Variants in DIP2C observed in about 807,000 individuals in gnomAD.
DIP2C encodes disco-interacting protein 2 homolog C.
DIP2C carries 33 observed loss-of-function variants against 192.4 expected under a neutral mutation model. The observed-to-expected ratio is 0.17, with a 90% CI of 0.13 to 0.23. The LOEUF is 0.23. Ranked by LOEUF, DIP2C falls within the 10% of genes least tolerant of loss-of-function variation. The pLI is 1.00. For missense variants in DIP2C, 1,537 were observed against 2,110.1 expected (o/e 0.73, Z 5.32); for synonymous variants, 979 against 864.1 (o/e 1.13, Z -2.33).
intron 3 of DIP2C, among the ~76,000 whole-genome samples, chr10:459,310 T>C (rs1328048649): frequency 1.3e-5 from 2 of 150,764 alleles, no homozygotes; most frequent in Non-Finnish European, 2.9e-5. Context: ...ACTGCAGACA[T>C]CCCTGGGAGG....
intron 5 of DIP2C, among the ~76,000 whole-genome samples, chr10:419,857 G>A (rs986316201): frequency 9.2e-5 from 14 of 152,138 alleles, no homozygotes; most frequent in African/African-American, 2.4e-4. Context: ...GCCAATGAGC[G>A]CGTGGAGCTC....
intron 29 of DIP2C, among the ~76,000 whole-genome samples, chr10:338,140 GT>G (rs1957960850): frequency 6.6e-6 from 1 of 152,134 alleles, no homozygotes; most frequent in African/African-American, 2.4e-5. Flanking sequence ...TGTATAATGT[GT>G]TTGTGTTATA....
chr10:590,118 A>C (rs1171194730), intron 1 of DIP2C, among the ~76,000 whole-genome samples: 1 of 152,244 alleles, frequency 6.6e-6, no homozygotes, highest in African/African-American at 2.4e-5. Flanking sequence ...GTGACGTGAT[A>C]AACCACAGTG....
At chr10:592,734 A>C (rs1851475556) in intron 1 of DIP2C, among the ~76,000 whole-genome samples, 2 of 152,148 alleles carry the variant, frequency 1.3e-5, no homozygotes, top group South Asian at 4.1e-4. Context: ...TAAAAATGTG[A>C]AATTTTTCCC....
At chr10:575,567 C>T (rs1850098425) in intron 1 of DIP2C, among the ~76,000 whole-genome samples, 1 of 152,208 alleles carries the variant, frequency 6.6e-6, no homozygotes, top group South Asian at 2.1e-4. Flanking sequence ...CTGCTATGGG[C>T]ACGTGTGATC....
Position 414,121 on chromosome 10 carries a change from T to C in DIP2C, c.860-11A>G, listed in dbSNP as rs768161060. 3 of 1,607,562 alleles carry C rather than the reference T, an allele frequency of 1.9e-6. No individual in the cohort carries two copies. Among genetic ancestry groups the C allele is most frequent in the Non-Finnish European group, 2.6e-6 (3 of 1,175,162 alleles). ...GATCCGGTTGTTGAACTAAATCGTT[T>C]GAATACAAGAGGTTACAAGAGAAAT... is the stretch of plus-strand genomic sequence containing the variant. On this transcript the variant is annotated splice_polypyrimidine_tract_variant and intron_variant, in intron 7 of 36. Coordinates refer to ENST00000280886, the MANE Select transcript of DIP2C (RefSeq NM_014974.3).
At chr10:445,668 G>T (rs1193737516) in intron 3 of DIP2C, among the ~76,000 whole-genome samples, 1 of 148,180 alleles carries the variant, frequency 6.7e-6, no homozygotes, top group Non-Finnish European at 1.5e-5. Flanking sequence ...CTGTTGTGAA[G>T]AGTCCATCTT....
chr10:353,093 G>A (rs1409942152), intron 24 of DIP2C, among the ~76,000 whole-genome samples: 1 of 152,064 alleles, frequency 6.6e-6, no homozygotes, highest in Non-Finnish European at 1.5e-5. Context: ...GAAGGTTCTA[G>A]GTAAAACCAT....
intron 1 of DIP2C, among the ~76,000 whole-genome samples, chr10:583,875 C>T (rs953214379): frequency 3.3e-4 from 50 of 152,316 alleles, no homozygotes; most frequent in Middle Eastern, 3.4e-3. Context: ...CACAGCCAGA[C>T]GCCACTTCTC....
chr10:401,365 A>C (rs964278947), intron 9 of DIP2C, among the ~76,000 whole-genome samples: 2 of 151,664 alleles, frequency 1.3e-5, no homozygotes, highest in Non-Finnish European at 2.9e-5. Context: ...TAGCATTAGC[A>C]TTACTCTTCC....
chr10:355,453 ATT>A (rs1959036594), intron 24 of DIP2C, among the ~76,000 whole-genome samples: 2 of 152,226 alleles, frequency 1.3e-5, no homozygotes, highest in Non-Finnish European at 2.9e-5. Context: ...GCACACTAAG[ATT>A]TTGATACTCA....
At chr10:496,982 G>A (rs529094193) in intron 1 of DIP2C, among the ~76,000 whole-genome samples, 1 of 152,286 alleles carries the variant, frequency 6.6e-6, no homozygotes, top group East Asian at 1.9e-4. Flanking sequence ...AAGTTAGCCA[G>A]GTGTGGTGGC....
At chr10:494,986 G>A (rs570902739) in intron 1 of DIP2C, among the ~76,000 whole-genome samples, 15 of 152,288 alleles carry the variant, frequency 9.8e-5, no homozygotes, top group Admixed American at 2.6e-4. Context: ...ATTGACCTAC[G>A]CATCCATCAG....
chr10:432,957 C>G (rs1230018602), intron 4 of DIP2C, among the ~76,000 whole-genome samples: 1 of 152,064 alleles, frequency 6.6e-6, no homozygotes, highest in Non-Finnish European at 1.5e-5. Context: ...TTATTTATTT[C>G]TACTTCATTG....
intron 1 of DIP2C, among the ~76,000 whole-genome samples, chr10:525,099 A>C (rs1846974210): frequency 6.6e-6 from 1 of 152,212 alleles, no homozygotes. Context: ...GACATCCTTA[A>C]AGACAACCAA....
chr10:551,818 G>A (rs1048075684), intron 1 of DIP2C, among the ~76,000 whole-genome samples: 2 of 152,142 alleles, frequency 1.3e-5, no homozygotes, highest in East Asian at 1.9e-4. Context: ...GTTCAACCTC[G>A]GGCCACTGCA....
At position 649,795 on chromosome 10, in the gene DIP2C, C is replaced by T. The variant is rs547216061; in HGVS notation, c.85+39699G>A. On this transcript the variant is annotated intron_variant, in intron 1 of 36. Transcript: ENST00000280886. ...GCCAAATGATCCTCTATGTATCCTA[C>T]ATAAAAGACAGGGTCTTTCTGGCAG... 1.3e-3 allele frequency among the ~76,000 whole-genome samples: 199 copies of T among 152,360 alleles called. 1 individual carries two copies. The highest frequency in any genetic ancestry group is 4.7e-3 in the African/African-American group (194 of 41,584).
chr10:358,017 C>G, intron 22 of DIP2C, 80 bp from the exon 23 acceptor site: 1 of 1,058,946 alleles, frequency 9.4e-7, no homozygotes, highest in Non-Finnish European at 1.4e-6. Flanking sequence ...TGGTAAAGAC[C>G]TTACTCTCGG....
intron 5 of DIP2C, among the ~76,000 whole-genome samples, chr10:419,904 C>T (rs1382395390): frequency 6.6e-6 from 1 of 152,178 alleles, no homozygotes; most frequent in Non-Finnish European, 1.5e-5. Context: ...AAAGTTAAGC[C>T]GTACGTGGCT....
Sources: allele counts gnomAD v4.1 joint callset (sites outside exome capture counted in the v4.1 genomes callset), GRCh38; gene constraint gnomAD v4.1.1; transcripts MANE v1.5; gene names NCBI Gene and HGNC (gene_info 2026-07-23, HGNC 2026-07-21).